Variants in NHEJ1 observed in about 807,000 individuals in gnomAD.
NHEJ1 encodes the protein non-homologous end joining factor 1, also known as non-homologous end-joining factor 1.
A neutral mutation model predicts 39.4 loss-of-function variants in NHEJ1; 22 were observed. That is an observed-to-expected ratio of 0.56 (90% CI 0.40 to 0.80). NHEJ1 has a LOEUF of 0.80. Ranked by LOEUF, NHEJ1 falls within the 30% of genes least tolerant of loss-of-function variation. The probability of loss-of-function intolerance (pLI) is 0.00; values close to 1 mark genes in which losing one functional copy is unlikely to be tolerated. For missense variants in NHEJ1, 329 were observed against 357.1 expected, an observed-to-expected ratio of 0.92 and a Z score of 0.63; for synonymous variants, 154 against 135.6, an observed-to-expected ratio of 1.14 and a Z score of -0.94.
In NHEJ1 at chr2:219,145,201, C is replaced by T. The variant is rs561694002; in HGVS notation, c.588+1479G>A. 4.0e-5 allele frequency among the ~76,000 whole-genome samples: 6 copies of T among 151,630 alleles called. No individual in the cohort carries two copies. In the South Asian group the frequency reaches 1.2e-3, roughly 32 times the overall value. On this transcript the variant is annotated intron_variant, in intron 5 of 7. Transcript: ENST00000356853. ...TGGCACTCCAGTCTGGGTGACAGAG[C>T]AAGTGAGGCTTCGTTTCAAAAACAA...
At chr2:219,091,586 A>G (rs1199002563) in intron 5 of NHEJ1, among the ~76,000 whole-genome samples, 2 of 152,130 alleles carry the variant, frequency 1.3e-5, no homozygotes, top group Non-Finnish European at 2.9e-5. Context: ...CCACAGTCTA[A>G]GCTTCTCTAC....
In NHEJ1 at chr2:219,127,115, C is replaced by T. The variant is rs188674914; in HGVS notation, c.588+19565G>A. 1.0e-3 allele frequency among the ~76,000 whole-genome samples: 157 copies of T among 152,296 alleles called. No homozygotes were observed. The Middle Eastern group carries it at 0.017, about 16-fold the overall frequency. Reference sequence around the variant, plus strand: ...TTATCCTAAGGACAGCAGGAAGCCACTGAACAGTTTTAAGCAGGGACACAT... The same window carrying T: ...TTATCCTAAGGACAGCAGGAAGCCATTGAACAGTTTTAAGCAGGGACACAT... On this transcript the variant is annotated intron_variant, in intron 5 of 7. Transcript: ENST00000356853.
At chr2:219,154,885 A>C (rs12694449) in intron 3 of NHEJ1, among the ~76,000 whole-genome samples, 73,650 of 146,672 alleles carry the variant, frequency 0.5, 20,724 homozygotes, top group Non-Finnish European at 0.64. Context: ...TATAATATAT[A>C]ATACATTATA....
chr2:219,153,692 A>G (rs11695842), intron 3 of NHEJ1, among the ~76,000 whole-genome samples: 38,261 of 78,500 alleles, frequency 0.49, 9,661 homozygotes, highest in Non-Finnish European at 0.61. Context: ...AAGAAAGAAA[A>G]GGGGGGGGGG....
chr2:219,146,791 C>G, intron 4 of NHEJ1, 53 bp from the exon 5 acceptor site: 2 of 1,371,296 alleles, frequency 1.5e-6, no homozygotes, highest in Non-Finnish European at 2.1e-6. Context: ...GGATGAGTTT[C>G]TTACCTGATG....
rs575786558 is a variant in NHEJ1, at chr2:219,145,706, G to A, written c.588+974C>T. ...CCCAGCACTTTGGGAGGCCGAGGTG[G>A]GTGGTCACCTGAGGTCGGGAGTTCC... On this transcript the variant is annotated intron_variant, in intron 5 of 7. Transcript: ENST00000356853. 1.5e-4 allele frequency among the ~76,000 whole-genome samples: 23 copies of A among 152,190 alleles called. 1 individual carries two copies. Among genetic ancestry groups the A allele is most frequent in the African/African-American group, 5.1e-4 (21 of 41,530 alleles).
chr2:219,080,753 T>G (rs1949059518), intron 5 of NHEJ1, among the ~76,000 whole-genome samples: 1 of 151,260 alleles, frequency 6.6e-6, no homozygotes, highest in Non-Finnish European at 1.5e-5. Flanking sequence ...TAAAATGTAT[T>G]AAACCATTTT....
In NHEJ1 at chr2:219,128,544, T is replaced by C. The variant is rs578101564; in HGVS notation, c.588+18136A>G. Among the ~76,000 whole-genome samples the C allele has an allele frequency of 1.2e-4, 18 of 152,066 alleles. 1 individual carries two copies. In the South Asian group the frequency reaches 3.8e-3, roughly 32 times the overall value. ...TGCTCCCACCAAGCCACTGACTGCA[T>C]GGGGTGAAGAGGAGGGCAGGAGTTG... On this transcript the variant is annotated intron_variant, in intron 5 of 7. Transcript: ENST00000356853.
At chr2:219,102,227 C>T (rs755006348) in intron 5 of NHEJ1, among the ~76,000 whole-genome samples, 17 of 152,162 alleles carry the variant, frequency 1.1e-4, no homozygotes, top group East Asian at 1.9e-4. Context: ...GCCAAAAAAA[C>T]GCCCTCGAAA....
intron 3 of NHEJ1, among the ~76,000 whole-genome samples, chr2:219,149,224 C>T (rs1013555418): frequency 6.6e-6 from 1 of 151,970 alleles, no homozygotes; most frequent in Non-Finnish European, 1.5e-5. Flanking sequence ...AGAATGCAAA[C>T]GCAGCCATAC....
chr2:219,118,698 G>A (rs948736837), intron 5 of NHEJ1, among the ~76,000 whole-genome samples: 2 of 152,208 alleles, frequency 1.3e-5, no homozygotes, highest in East Asian at 3.9e-4. Context: ...GGGGCCACAG[G>A]GGATTCAGGC....
In NHEJ1 at chr2:219,075,889, T is replaced by C. The variant is rs771638595; in HGVS notation, c.*492A>G. ...GGACCAGACTGATGGCTAGACTTCA[T>C]CCAGAGACAACAATGGGGTGGGACC... On this transcript the variant is annotated 3_prime_UTR_variant, in exon 8 of 8. Coordinates refer to ENST00000356853, the MANE Select transcript of NHEJ1 (RefSeq NM_024782.3). 9.1e-5 allele frequency: 15 copies of C among 165,418 alleles called. No homozygotes were observed. Among genetic ancestry groups the C allele is most frequent in the Admixed American group, 3.0e-4 (5 of 16,794 alleles). 10.2% of individuals were successfully genotyped at this position (165,418 alleles called of 1,614,324 possible).
At chr2:219,124,936 C>G (rs1303894415) in intron 5 of NHEJ1, among the ~76,000 whole-genome samples, 1 of 152,122 alleles carries the variant, frequency 6.6e-6, no homozygotes, top group Non-Finnish European at 1.5e-5. Context: ...CTGCCTTCAA[C>G]TGAGGGGCCC....
chr2:219,114,926 T>C (rs1198508553), intron 5 of NHEJ1, among the ~76,000 whole-genome samples: 1 of 152,180 alleles, frequency 6.6e-6, no homozygotes, highest in Non-Finnish European at 1.5e-5. Flanking sequence ...CAGAGTCTTA[T>C]TCAAGCCAAG....
intron 5 of NHEJ1, among the ~76,000 whole-genome samples, chr2:219,085,036 G>A (rs1949099365): frequency 6.6e-6 from 1 of 152,178 alleles, no homozygotes; most frequent in African/African-American, 2.4e-5. Context: ...CAAATGCTCT[G>A]CTATGTCATT....
chr2:219,159,590 T>TATGC (rs1949906789), intron 1 of NHEJ1, among the ~76,000 whole-genome samples: 1 of 102,204 alleles, frequency 9.8e-6, no homozygotes, highest in Non-Finnish European at 2.0e-5. Context: ...TATATATGCA[T>TATGC]ATATATATAT....
chr2:219,141,143 G>C (rs1307133088), intron 5 of NHEJ1, among the ~76,000 whole-genome samples: 1 of 152,208 alleles, frequency 6.6e-6, no homozygotes, highest in Non-Finnish European at 1.5e-5. Flanking sequence ...ACTTTGGGAG[G>C]CCAAGGCAGG....
chr2:219,147,196 TA>T (rs1949749093), intron 4 of NHEJ1, among the ~76,000 whole-genome samples: 1 of 152,204 alleles, frequency 6.6e-6, no homozygotes, highest in Non-Finnish European at 1.5e-5. Context: ...AAGTGTCACC[TA>T]GGCCAGGCAC....
intron 6 of NHEJ1, 151 bp from the exon 7 acceptor site, chr2:219,077,515 C>G: frequency 1.4e-6 from 1 of 706,780 alleles, no homozygotes; most frequent in East Asian, 2.7e-5. Context: ...TTCCAGCTGA[C>G]TTTCAGAAAG....
Sources: allele counts gnomAD v4.1 joint callset (sites outside exome capture counted in the v4.1 genomes callset), GRCh38; gene constraint gnomAD v4.1.1; transcripts MANE v1.5; gene names NCBI Gene and HGNC (gene_info 2026-07-23, HGNC 2026-07-21).